KIF26B: variants seen among roughly 807,000 people sequenced by gnomAD.
The protein encoded by KIF26B is kinesin-like protein KIF26B.
Under a neutral mutation model 151.2 loss-of-function variants are expected in KIF26B, and 63 were observed. That is an observed-to-expected ratio of 0.42 (90% CI 0.34 to 0.51). KIF26B has a LOEUF of 0.51. Among genes scored for constraint, KIF26B ranks in the 20% least tolerant of loss-of-function variants. KIF26B has a pLI of 0.07. For synonymous variants in KIF26B, 1,357 were observed against 1,262.1 expected, an observed-to-expected ratio of 1.08 and a Z score of -1.59; for missense variants, 2,813 against 2,913.6, an observed-to-expected ratio of 0.97 and a Z score of 0.79.
At position 245,482,248 on chromosome 1, in the gene KIF26B, T is replaced by C. The variant is rs753224299; in HGVS notation, c.1167-58519T>C. Among the ~76,000 whole-genome samples the C allele has an allele frequency of 2.0e-5, 3 of 148,884 alleles. 1 individual carries two copies. Among genetic ancestry groups the C allele is most frequent in the Middle Eastern group, 3.4e-3 (1 of 292 alleles). ...CTGGGACTGCAGGTGCGCACCACCA[T>C]GCCTGGCTAATTTTTGCATTTTTAG... On this transcript the variant is annotated intron_variant, in intron 4 of 14. Coordinates refer to ENST00000407071, the MANE Select transcript of KIF26B (RefSeq NM_018012.4).
intron 2 of KIF26B, among the ~76,000 whole-genome samples, chr1:245,262,538 A>C (rs1302446507): frequency 6.6e-6 from 1 of 151,706 alleles, no homozygotes; most frequent in African/African-American, 2.4e-5. Context: ...ACTGCAACCC[A>C]CACCTTCTGG....
In KIF26B at chr1:245,495,999, T is replaced by C. The variant is rs903333343; in HGVS notation, c.1167-44768T>C. Among the ~76,000 whole-genome samples, 1 of 152,044 alleles carries C rather than the reference T, an allele frequency of 6.6e-6. No individual in the cohort carries two copies. The highest frequency in any genetic ancestry group is 6.6e-5 in the Admixed American group (1 of 15,264). ...ATATTCGTCAAACATTGAAGTGAAATAAAGACATTTCAGGACAAAAATTGA... is the reference window on the plus strand; with the variant it reads ...ATATTCGTCAAACATTGAAGTGAAACAAAGACATTTCAGGACAAAAATTGA... On this transcript the variant is annotated intron_variant, in intron 4 of 14. Coordinates refer to ENST00000407071, the MANE Select transcript of KIF26B (RefSeq NM_018012.4). The surrounding 1 kb of genome is among the most constrained non-coding windows in gnomAD (Gnocchi z 4.2).
Position 245,640,256 on chromosome 1 carries a change from T to C in KIF26B, c.2099-5865T>C, listed in dbSNP as rs554512767. Among the ~76,000 whole-genome samples the C allele has an allele frequency of 5.3e-5, 8 of 150,684 alleles. No individual in the cohort carries two copies. In the South Asian group the frequency reaches 1.5e-3, roughly 28 times the overall value. ...TTATATAACAATTTCCTTTGTTTCT[T>C]TATATAGTTTTTCACTTAAAGTCTA... On this transcript the variant is annotated intron_variant, in intron 9 of 14. Coordinates refer to ENST00000407071, the MANE Select transcript of KIF26B (RefSeq NM_018012.4).
At chr1:245,471,923 C>T (rs2103064195) in intron 4 of KIF26B, among the ~76,000 whole-genome samples, 1 of 152,224 alleles carries the variant, frequency 6.6e-6, no homozygotes, top group South Asian at 2.1e-4. Context: ...TCCCGAGTAG[C>T]TGAGATTACA....
intron 4 of KIF26B, among the ~76,000 whole-genome samples, chr1:245,452,823 C>T (rs1414549366): frequency 6.6e-6 from 1 of 152,010 alleles, no homozygotes; most frequent in African/African-American, 2.4e-5. Context: ...TTTATATATT[C>T]TGGATACAAA....
At chr1:245,350,052 T>TA (rs199870553) in intron 2 of KIF26B, among the ~76,000 whole-genome samples, 50 of 135,914 alleles carry the variant, frequency 3.7e-4, no homozygotes, top group African/African-American at 1.1e-3. Flanking sequence ...TATATATATA[T>TA]TTTTTTTTCA....
In KIF26B at chr1:245,349,977, T is replaced by C. The variant is rs943209821; in HGVS notation, c.466-16857T>C. On this transcript the variant is annotated intron_variant, in intron 2 of 14. Transcript: ENST00000407071. The stretch of plus-strand genomic sequence containing the variant: ...CCAAAGGCTTTGTCTTAGAGCAGTT[T>C]TTAAAATCTTGTTGGTAACCTCCTG... 7.2e-4 allele frequency among the ~76,000 whole-genome samples: 110 copies of C among 152,222 alleles called. 1 individual carries two copies. The highest frequency in any genetic ancestry group is 3.1e-4 in the Non-Finnish European group (21 of 68,042).
At chr1:245,527,860 A>G (rs559821205) in intron 4 of KIF26B, among the ~76,000 whole-genome samples, 9 of 152,132 alleles carry the variant, frequency 5.9e-5, no homozygotes, top group Admixed American at 5.2e-4. Flanking sequence ...GCATGTTTAA[A>G]TGGATCTGGT....
At chr1:245,396,661 A>G (rs537933910) in intron 3 of KIF26B, among the ~76,000 whole-genome samples, 1 of 151,988 alleles carries the variant, frequency 6.6e-6, no homozygotes, top group Non-Finnish European at 1.5e-5. Context: ...AACAAAAAAA[A>G]AACAACAACT....
At chr1:245,699,112 G>T in intron 14 of KIF26B, 75 bp downstream of exon 14, 1 of 1,445,066 alleles carries the variant, frequency 6.9e-7, no homozygotes, top group Non-Finnish European at 9.6e-7. Context: ...GTAGCCCAGG[G>T]TGACAGTGAC....
intron 12 of KIF26B, among the ~76,000 whole-genome samples, chr1:245,691,461 T>A (rs930783382): frequency 4.6e-5 from 7 of 152,236 alleles, no homozygotes; most frequent in Non-Finnish European, 8.8e-5. Context: ...CCAGGCTCCA[T>A]GATGGATGTG....
chr1:245,533,442 C>G (rs1293363031), intron 4 of KIF26B, among the ~76,000 whole-genome samples: 13 of 152,136 alleles, frequency 8.5e-5, no homozygotes, highest in Admixed American at 8.5e-4. Context: ...CTTTACCCAC[C>G]TATTTGAGCA....
At chr1:245,587,296 T>C (rs1401902955) in intron 5 of KIF26B, among the ~76,000 whole-genome samples, 1 of 152,172 alleles carries the variant, frequency 6.6e-6, no homozygotes, top group African/African-American at 2.4e-5. Flanking sequence ...TACTACTCTA[T>C]TATGCTGGGG....
chr1:245,521,178 A>T (rs1230924611), intron 4 of KIF26B, among the ~76,000 whole-genome samples: 1 of 152,152 alleles, frequency 6.6e-6, no homozygotes, highest in Admixed American at 6.5e-5. Context: ...TTTACTAAAA[A>T]TACAAAAAAT....
At chr1:245,654,319 G>C (rs187321563) in intron 10 of KIF26B, among the ~76,000 whole-genome samples, 3,325 of 124,174 alleles carry the variant, frequency 0.027, 101 homozygotes, top group African/African-American at 0.077. Context: ...GGGGTGGGGA[G>C]GGGGCAAAAA....
chr1:245,469,725 C>G (rs1399231220), intron 4 of KIF26B, among the ~76,000 whole-genome samples: 1 of 152,152 alleles, frequency 6.6e-6, no homozygotes, highest in Non-Finnish European at 1.5e-5. Context: ...TCTGTCTATC[C>G]TTGATTGAAT....
intron 5 of KIF26B, among the ~76,000 whole-genome samples, chr1:245,559,742 T>C (rs1056352071): frequency 1.3e-5 from 2 of 152,084 alleles, no homozygotes; most frequent in African/African-American, 4.8e-5. Flanking sequence ...TGGGGGGTCT[T>C]ACTATGTTGC....
intron 10 of KIF26B, among the ~76,000 whole-genome samples, chr1:245,653,472 C>G (rs1349191284): frequency 6.6e-6 from 1 of 152,110 alleles, no homozygotes; most frequent in Non-Finnish European, 1.5e-5. Flanking sequence ...CTCACTGTGC[C>G]TCACAAGCTC....
intron 2 of KIF26B, among the ~76,000 whole-genome samples, chr1:245,344,600 A>C (rs937286278): frequency 2.6e-5 from 4 of 151,090 alleles, no homozygotes; most frequent in Non-Finnish European, 5.9e-5. Flanking sequence ...TTCTGGGATG[A>C]CCCTGGAGTC....
Sources: gnomAD v4.1 joint callset for allele counts (sites outside exome capture counted in the v4.1 genomes callset) on GRCh38, gnomAD v4.1.1 for gene constraint, Gnocchi (gnomAD v3.1) non-coding constraint, MANE v1.5 for transcripts, NCBI Gene and HGNC (gene_info 2026-07-23, HGNC 2026-07-21) for gene names.